STN1: variants seen among roughly 807,000 people sequenced by gnomAD.
STN1 encodes CST complex subunit STN1.
Under a neutral mutation model 45.5 loss-of-function variants are expected in STN1, and 29 were observed. That is an observed-to-expected ratio of 0.64 (90% CI 0.47 to 0.87). STN1 has a LOEUF of 0.87. Among genes scored for constraint, STN1 ranks in the 40% least tolerant of loss-of-function variants. The pLI is 0.00. For synonymous variants in STN1, 148 were observed against 159.0 expected (o/e 0.93, Z 0.52); for missense variants, 376 against 441.4 (o/e 0.85, Z 1.33).
chr10:103,890,829 G>C (rs975691386), intron 8 of STN1, among the ~76,000 whole-genome samples: 2 of 152,238 alleles, frequency 1.3e-5, no homozygotes, highest in African/African-American at 4.8e-5. Context: ...CAGGAATCTT[G>C]CCTGTGAATA....
intron 3 of STN1, among the ~76,000 whole-genome samples, chr10:103,909,543 C>T (rs11191863): frequency 0.3 from 38,015 of 125,006 alleles, 8,416 homozygotes; most frequent in East Asian, 0.67. Context: ...TATATATGTA[C>T]ATATATATAT....
chr10:103,903,745 A>C (rs1351192312), intron 4 of STN1, among the ~76,000 whole-genome samples: 1 of 152,240 alleles, frequency 6.6e-6, no homozygotes, highest in African/African-American at 2.4e-5. Flanking sequence ...ACCCAGTCTT[A>C]GGTATTCTGT....
intron 6 of STN1, 143 bp downstream of exon 6, chr10:103,898,734 A>C: frequency 2.6e-6 from 2 of 777,368 alleles, no homozygotes; most frequent in Non-Finnish European, 4.1e-6. Flanking sequence ...AAGCATAGAG[A>C]GGGTTAGAGG....
chr10:103,895,964 A>G (rs1425661619), intron 7 of STN1, among the ~76,000 whole-genome samples: 1 of 152,228 alleles, frequency 6.6e-6, no homozygotes, highest in East Asian at 1.9e-4. Context: ...GGTGTCTCAT[A>G]GTATACTACG....
At chr10:103,905,538 T>C (rs1444211762) in intron 3 of STN1, among the ~76,000 whole-genome samples, 1 of 152,196 alleles carries the variant, frequency 6.6e-6, no homozygotes, top group Non-Finnish European at 1.5e-5. Context: ...TCAGCCTTTC[T>C]CTCCCACCCT....
chr10:103,917,459 T>TA lies in STN1; in HGVS notation c.133+2dup, dbSNP rs2134380561. Reference sequence around the variant, plus strand: ...GGGCATCCCAGGGTGGCTAGCCACATACCTGGCACCTGGCGGGACTCCTTC... The same window carrying TA: ...GGGCATCCCAGGGTGGCTAGCCACATAACCTGGCACCTGGCGGGACTCCTTC... On this transcript the variant is annotated splice_region_variant and intron_variant, in intron 2 of 9. Coordinates refer to ENST00000224950, the MANE Select transcript of STN1 (RefSeq NM_024928.5). 3 of 1,612,982 alleles carry TA rather than the reference T, an allele frequency of 1.9e-6. No individual in the cohort carries two copies. Among genetic ancestry groups the TA allele is most frequent in the Non-Finnish European group, 2.5e-6 (3 of 1,179,438 alleles).
chr10:103,893,559 T>C (rs976587371), intron 7 of STN1, among the ~76,000 whole-genome samples: 1 of 152,168 alleles, frequency 6.6e-6, no homozygotes, highest in Admixed American at 6.5e-5. Flanking sequence ...AGAAAAGCAT[T>C]TGAAGGCCAA....
rs923943347 is a variant in STN1 at position 103,882,457 on chromosome 10, G to T, written c.*227C>A. ...GGAGCTCAACAGGGAGGGTTTTCTTGTTGTGTCATGGCTGAGATCAAAGTC... is the reference window on the plus strand; with the variant it reads ...GGAGCTCAACAGGGAGGGTTTTCTTTTTGTGTCATGGCTGAGATCAAAGTC... On this transcript the variant is annotated 3_prime_UTR_variant, in exon 10 of 10. Coordinates refer to ENST00000224950, the MANE Select transcript of STN1 (RefSeq NM_024928.5). 4.2e-6 allele frequency: 2 copies of T among 472,258 alleles called. No homozygotes were observed. The highest frequency in any genetic ancestry group is 7.7e-5 in the Admixed American group (2 of 26,032). 29.3% of individuals were successfully genotyped at this position (472,258 alleles called of 1,614,324 possible). A position where few individuals can be genotyped will look rare whatever the true frequency, so the allele number is the denominator to read the frequency against.
At chr10:103,915,655 A>C (rs1265596806) in intron 2 of STN1, among the ~76,000 whole-genome samples, 1 of 152,162 alleles carries the variant, frequency 6.6e-6, no homozygotes, top group African/African-American at 2.4e-5. Flanking sequence ...ATGTAGTCAA[A>C]AGTTTTGCCT....
chr10:103,902,875 G>A (rs10490951), intron 4 of STN1, among the ~76,000 whole-genome samples: 4,285 of 152,128 alleles, frequency 0.028, 190 homozygotes, highest in African/African-American at 0.096. Context: ...TTACCTTCTC[G>A]TTATATTTGC....
At chr10:103,901,832 T>C (rs1843211724) in intron 4 of STN1, among the ~76,000 whole-genome samples, 1 of 152,186 alleles carries the variant, frequency 6.6e-6, no homozygotes, top group Admixed American at 6.5e-5. Flanking sequence ...GTCAGAATGC[T>C]TGCCAGAAAA....
At position 103,900,072 on chromosome 10, in the gene STN1, G is replaced by A. The variant is rs1035790560; in HGVS notation, c.447C>T (p.Ala149=). 6 of 1,613,912 alleles carry A rather than the reference G, an allele frequency of 3.7e-6. No homozygotes were observed. In the African/African-American group the frequency reaches 8.0e-5, roughly 22 times the overall value. The change falls in exon 5 of 10, where the codon GCC becomes GCT. Residue 149 remains alanine (A), a synonymous_variant. Coordinates refer to ENST00000224950, the MANE Select transcript of STN1 (RefSeq NM_024928.5). ...ATATCTTGTGCTTACAGTAAGTGGT[G>A]GCATGAATCTCTCGCTCTTCTCTGT... ...RTYREEREIH[A]TTYYKVDDPV...
intron 7 of STN1, among the ~76,000 whole-genome samples, chr10:103,894,599 C>G (rs544269401): frequency 6.5e-4 from 98 of 151,120 alleles, no homozygotes; most frequent in Non-Finnish European, 1.0e-3. Context: ...CAGCCAGCAG[C>G]TTTTCCTGGA....
rs1467013284 is a variant in STN1, at chr10:103,909,488, G to GTATATATATGTATATATGTATATATATA, written c.229+1038_229+1039insTATATATATACATATATACATATATATA. ...TATATATGTATATATGTATATATAT[G>GTATATATATGTATATATGTATATATATA]TGTGTGTGTATATGTATATATGTAT... On this transcript the variant is annotated intron_variant, in intron 3 of 9. Transcript: ENST00000224950. Among the ~76,000 whole-genome samples, 6 of 33,220 alleles carry GTATATATATGTATATATGTATATATATA rather than the reference G, an allele frequency of 1.8e-4. 1 individual carries two copies. Among genetic ancestry groups the GTATATATATGTATATATGTATATATATA allele is most frequent in the Admixed American group, 4.2e-4 (1 of 2,386 alleles). The allele number at this position is 33,220 out of a possible 152,430, so 21.8% of individuals were successfully genotyped here.
intron 3 of STN1, 23 bp downstream of exon 3, chr10:103,910,504 A>T: frequency 6.6e-7 from 1 of 1,511,468 alleles, no homozygotes; most frequent in Non-Finnish European, 9.2e-7. Flanking sequence ...CATCAACTTC[A>T]TTTCAGACAC....
chr10:103,896,952 A>G (rs1342508643), intron 7 of STN1, among the ~76,000 whole-genome samples: 1 of 152,206 alleles, frequency 6.6e-6, no homozygotes, highest in Non-Finnish European at 1.5e-5. Context: ...TCTCAGCAGA[A>G]GCCAAGTGAC....
intron 7 of STN1, among the ~76,000 whole-genome samples, chr10:103,897,286 TGGGC>T (rs1843176720): frequency 6.6e-6 from 1 of 150,702 alleles, no homozygotes; most frequent in East Asian, 2.0e-4. Context: ...AGCACCAGCC[TGGGC>T]GACAGAGTGA....
intron 4 of STN1, among the ~76,000 whole-genome samples, chr10:103,902,517 T>A (rs1484562284): frequency 6.6e-6 from 1 of 152,228 alleles, no homozygotes; most frequent in African/African-American, 2.4e-5. Context: ...ATGAGAAGAC[T>A]GGAGCCTGAC....
intron 7 of STN1, 107 bp from the exon 8 acceptor site, chr10:103,892,359 T>C: frequency 9.9e-7 from 1 of 1,011,474 alleles, no homozygotes; most frequent in Non-Finnish European, 1.4e-6. Flanking sequence ...ACAGGCCTTT[T>C]AACTGCTGAG....
Sources: gnomAD v4.1 joint callset for allele counts (sites outside exome capture counted in the v4.1 genomes callset) on GRCh38, gnomAD v4.1.1 for gene constraint, MANE v1.5 for transcripts, NCBI Gene and HGNC (gene_info 2026-07-23, HGNC 2026-07-21) for gene names.